LYPD5: variants seen among roughly 807,000 people sequenced by gnomAD.
LYPD5 encodes the protein ly6/PLAUR domain-containing protein 5.
In LYPD5, 21 loss-of-function variants were observed where a neutral mutation model predicts 19.1. The ratio of observed to expected loss-of-function variants is 1.10; its 90% CI spans 0.78 to 1.58. LYPD5 has a LOEUF of 1.58. LYPD5 is among the 40% of genes most tolerant of loss of function. The probability of loss-of-function intolerance (pLI) is 0.00; values close to 1 mark genes in which losing one functional copy is unlikely to be tolerated. For synonymous variants in LYPD5, 128 were observed against 142.7 expected (o/e 0.90, Z 0.74); for missense variants, 287 against 329.8 (o/e 0.87, Z 1.00).
chr19:43,800,628 A>C (rs1970210535), intron 1 of LYPD5, among the ~76,000 whole-genome samples: 1 of 152,188 alleles, frequency 6.6e-6, no homozygotes, highest in Non-Finnish European at 1.5e-5. Flanking sequence ...CGATGTTTAG[A>C]GATACAGGAA....
At chr19:43,798,723 A>G (rs1328373539) in intron 3 of LYPD5, 89 bp downstream of exon 3, 22 of 1,569,282 alleles carry the variant, frequency 1.4e-5, no homozygotes, top group African/African-American at 4.1e-5. Context: ...GCGCGCCAAG[A>G]GCAGGCGCCC....
At chr19:43,807,276 CTTTTCTTTTTCT>C (rs1270893166), upstream of LYPD5, among the ~76,000 whole-genome samples, 2 of 144,094 alleles carry the variant, frequency 1.4e-5, no homozygotes, top group East Asian at 2.0e-4. Context: ...CTTTTCTTTT[CTTTTCTTTTTCT>C]TTTTTTTTTT....
intron 1 of LYPD5, among the ~76,000 whole-genome samples, chr19:43,814,755 T>C (rs916131027): frequency 6.6e-6 from 1 of 152,224 alleles, no homozygotes; most frequent in African/African-American, 2.4e-5. Context: ...CCAAGGTCAG[T>C]GACATGAGAG....
upstream of LYPD5, among the ~76,000 whole-genome samples, chr19:43,804,957 C>T (rs1045195917): frequency 1.3e-5 from 2 of 152,180 alleles, no homozygotes; most frequent in Non-Finnish European, 2.9e-5. Flanking sequence ...ACTTTTGATT[C>T]TGGTATCATT....
intron 2 of LYPD5, among the ~76,000 whole-genome samples, 180 bp downstream of exon 2, chr19:43,799,526 A>C (rs561483555): frequency 6.6e-6 from 1 of 152,096 alleles, no homozygotes; most frequent in South Asian, 2.1e-4. Context: ...TACAGGCCTG[A>C]GCCACTGCCC....
chr19:43,799,290 C>T (rs113901762), intron 2 of LYPD5, among the ~76,000 whole-genome samples: 1 of 152,158 alleles, frequency 6.6e-6, no homozygotes, highest in Non-Finnish European at 1.5e-5. Flanking sequence ...TGTCGCCAGG[C>T]TGGAGTGCAG....
At chr19:43,819,243 T>C (rs1194259173) in intron 1 of LYPD5, among the ~76,000 whole-genome samples, 3 of 151,580 alleles carry the variant, frequency 2.0e-5, no homozygotes, top group African/African-American at 7.3e-5. Flanking sequence ...AAGTTGGACA[T>C]AGCCTTCATT....
chr19:43,804,307 T>C (rs897183395), upstream of LYPD5, among the ~76,000 whole-genome samples: 6 of 152,230 alleles, frequency 3.9e-5, no homozygotes, highest in East Asian at 9.7e-4. Flanking sequence ...ACTTTGATAA[T>C]TGACAATCAG....
At chr19:43,807,429 G>A (rs1290063229), upstream of LYPD5, among the ~76,000 whole-genome samples, 2 of 151,722 alleles carry the variant, frequency 1.3e-5, no homozygotes, top group African/African-American at 4.8e-5. Flanking sequence ...ATTTACAGGC[G>A]CCTGCCACCA....
chr19:43,808,734 T>C (rs937406323), intron 1 of LYPD5, among the ~76,000 whole-genome samples: 1 of 152,232 alleles, frequency 6.6e-6, no homozygotes, highest in African/African-American at 2.4e-5. Context: ...TTCTCAAAAA[T>C]TCATTCAATG....
chr19:43,802,452 C>A (rs1208211555), upstream of LYPD5: 4 of 1,412,290 alleles, frequency 2.8e-6, no homozygotes, highest in Admixed American at 7.9e-5. Context: ...CTTACTGAGT[C>A]CTAAGCATCC....
chr19:43,812,335 T>TTCTATCTATCTATCTA (rs61040752), intron 1 of LYPD5, among the ~76,000 whole-genome samples: 2,888 of 143,348 alleles, frequency 0.02, 42 homozygotes, highest in Middle Eastern at 0.035. Context: ...TGGTTATTTT[T>TTCTATCTATCTATCTA]TCTATCTATC....
chr19:43,812,088 C>T (rs974362551), intron 1 of LYPD5, among the ~76,000 whole-genome samples: 5 of 152,104 alleles, frequency 3.3e-5, no homozygotes, highest in African/African-American at 1.2e-4. Context: ...GGCTGTCAGG[C>T]AGGCCTCAGT....
Position 43,798,574 on chromosome 19 carries a change from G to GTAGCC in LYPD5, c.397_398insGGCTA (p.Ala133GlyfsTer40). On this transcript the variant is annotated frameshift_variant, in exon 4 of 5. Coordinates refer to ENST00000377950, the MANE Select transcript of LYPD5 (RefSeq NM_001031749.3). LOFTEE classifies it high-confidence loss of function. Reference sequence around the variant, plus strand: ...GACCCCGATACAGGCGTAGCACTCGGCGCCGCTGAGCGTCGGCGGGTCGGG... The same window carrying GTAGCC: ...GACCCCGATACAGGCGTAGCACTCGGTAGCCCGCCGCTGAGCGTCGGCGGGTCGGG... 1 of 1,611,098 alleles carries GTAGCC rather than the reference G, an allele frequency of 6.2e-7. No individual in the cohort carries two copies. Among genetic ancestry groups the GTAGCC allele is most frequent in the Non-Finnish European group, 8.5e-7 (1 of 1,180,030 alleles).
Position 43,796,674 on chromosome 19 carries a change from G to A in LYPD5, c.*917C>T, listed in dbSNP as rs528348185. 1.2e-3 allele frequency: 179 copies of A among 152,224 alleles called. No individual in the cohort carries two copies. The highest frequency in any genetic ancestry group is 3.9e-3 in the African/African-American group (163 of 41,512). 9.4% of individuals were successfully genotyped at this position (152,224 alleles called of 1,614,324 possible). A position where few individuals can be genotyped will look rare whatever the true frequency, so the allele number is the denominator to read the frequency against. On this transcript the variant is annotated 3_prime_UTR_variant, in exon 5 of 5. Transcript: ENST00000377950. Reference sequence around the variant, plus strand: ...GGGTTGCTTAGCAGTTCGTGGGGCTGGGAATCTGGTCCCTGAATCCATACT... The same window carrying A: ...GGGTTGCTTAGCAGTTCGTGGGGCTAGGAATCTGGTCCCTGAATCCATACT...
chr19:43,805,046 G>C (rs374128023), upstream of LYPD5, among the ~76,000 whole-genome samples: 1 of 152,192 alleles, frequency 6.6e-6, no homozygotes, highest in Admixed American at 6.5e-5. Flanking sequence ...CATCTGCCTG[G>C]TGTCTGAGTG....
chr19:43,806,133 G>A (rs1466466164), upstream of LYPD5, among the ~76,000 whole-genome samples: 5 of 152,132 alleles, frequency 3.3e-5, no homozygotes, highest in Non-Finnish European at 1.5e-5. Flanking sequence ...GGAGGTGAGC[G>A]GTGGGTGAGG....
In LYPD5 at chr19:43,801,979, G is replaced by A. The variant is rs141613980; in HGVS notation, c.64+338C>T. Among the ~76,000 whole-genome samples, 480 of 152,336 alleles carry A rather than the reference G, an allele frequency of 3.2e-3. 3 individuals carry two copies. Among genetic ancestry groups the A allele is most frequent in the Non-Finnish European group, 4.7e-3 (319 of 68,032 alleles). ...CCCTGGAAATACCTTTGAATTGGGGGTTGGGCAAGGAAGAGAAGAAAGGCT... is the reference window on the plus strand; with the variant it reads ...CCCTGGAAATACCTTTGAATTGGGGATTGGGCAAGGAAGAGAAGAAAGGCT... On this transcript the variant is annotated intron_variant, in intron 1 of 4. Transcript: ENST00000377950.
At chr19:43,805,452 GAC>G (rs1970262968), upstream of LYPD5, among the ~76,000 whole-genome samples, 1 of 152,132 alleles carries the variant, frequency 6.6e-6, no homozygotes, top group African/African-American at 2.4e-5. Context: ...CTCTAGTCAT[GAC>G]CTTGTCAAAA....
Sources: allele counts gnomAD v4.1 joint callset (sites outside exome capture counted in the v4.1 genomes callset), GRCh38; gene constraint gnomAD v4.1.1; transcripts MANE v1.5; gene names NCBI Gene and HGNC (gene_info 2026-07-23, HGNC 2026-07-21).